The following TNR variants were observed in gnomAD, a reference collection of about 807,000 sequenced individuals.
The protein encoded by TNR is tenascin-R.
Under a neutral mutation model 150.4 loss-of-function variants are expected in TNR, and 45 were observed. The ratio of observed to expected loss-of-function variants is 0.30; its 90% CI spans 0.24 to 0.38. TNR has a LOEUF of 0.38. TNR is among the 10% of genes least tolerant of loss of function. TNR has a pLI of 1.00. For missense variants in TNR, 1,544 were observed against 1,759.1 expected (o/e 0.88, Z 2.19); for synonymous variants, 687 against 678.4 (o/e 1.01, Z -0.20).
Position 175,315,933 on chromosome 1 carries a change from C to G in TNR, c.*7424G>C, listed in dbSNP as rs1648828299. On this transcript the variant is annotated 3_prime_UTR_variant, in exon 23 of 23. Transcript: ENST00000367674. The stretch of plus-strand genomic sequence containing the variant: ...GAGTCTGTGGGACCATGGTGTGAGT[C>G]TGGGCCTCCGCAGTTGGTAAAGGAG... 6.6e-6 allele frequency: 1 copy of G among 151,970 alleles called. No homozygotes were observed. Among genetic ancestry groups the G allele is most frequent in the African/African-American group, 2.4e-5 (1 of 41,348 alleles). The allele number at this position is 151,970 out of a possible 1,614,324, so 9.4% of individuals were successfully genotyped here.
intron 2 of TNR, among the ~76,000 whole-genome samples, chr1:175,459,336 C>A (rs928455308): frequency 9.2e-5 from 14 of 152,282 alleles, no homozygotes; most frequent in African/African-American, 3.4e-4. Flanking sequence ...TTATTACTAC[C>A]ACCATTACCA....
At chr1:175,330,998 A>AT (rs1649722690) in intron 20 of TNR, among the ~76,000 whole-genome samples, 1 of 72,826 alleles carries the variant, frequency 1.4e-5, no homozygotes, top group African/African-American at 5.1e-5. Context: ...CCTCTTGGTG[A>AT]TTCTTTCTTT....
chr1:175,509,556 G>A (rs568634691), intron 2 of TNR, among the ~76,000 whole-genome samples: 11 of 152,200 alleles, frequency 7.2e-5, no homozygotes, highest in Non-Finnish European at 1.3e-4. Context: ...ACTTTCCAGA[G>A]TTTTTTTCAT....
At chr1:175,645,855 C>T (rs559544687) in intron 1 of TNR, among the ~76,000 whole-genome samples, 1 of 152,348 alleles carries the variant, frequency 6.6e-6, no homozygotes, top group Non-Finnish European at 1.5e-5. Flanking sequence ...ATACTGAATA[C>T]TGTCAAATAC....
intron 2 of TNR, among the ~76,000 whole-genome samples, chr1:175,515,181 G>T (rs1659350365): frequency 6.6e-6 from 1 of 152,156 alleles, no homozygotes; most frequent in East Asian, 1.9e-4. Context: ...ATTATTTCTT[G>T]TATTCTGTCA....
chr1:175,696,218 T>TTTTG (rs1553254712), intron 1 of TNR, among the ~76,000 whole-genome samples: 29 of 49,232 alleles, frequency 5.9e-4, no homozygotes, highest in Middle Eastern at 7.9e-3. Flanking sequence ...CTTCCTGTAG[T>TTTTG]TTTTTTTTTT....
Position 175,584,850 on chromosome 1 carries a change from T to A in TNR, c.-164-56481A>T, listed in dbSNP as rs180911632. Among the ~76,000 whole-genome samples the A allele has an allele frequency of 3.3e-5, 5 of 152,360 alleles. No homozygotes were observed. The East Asian group carries it at 7.7e-4, about 24-fold the overall frequency. On this transcript the variant is annotated intron_variant, in intron 1 of 22. Transcript: ENST00000367674. ...GCTTAGGAGCTTGTACTAATTAGTATAGCTGTATATATATTAAGTGTAAAT... is the reference window on the plus strand; with the variant it reads ...GCTTAGGAGCTTGTACTAATTAGTAAAGCTGTATATATATTAAGTGTAAAT...
intron 9 of TNR, among the ~76,000 whole-genome samples, chr1:175,373,069 A>G (rs1557892268): frequency 6.6e-6 from 1 of 152,192 alleles, no homozygotes; most frequent in Non-Finnish European, 1.5e-5. Flanking sequence ...GTGAGAAAAC[A>G]TGCACAGAAG....
At chr1:175,550,777 GAA>G (rs111426262) in intron 1 of TNR, among the ~76,000 whole-genome samples, 2 of 145,226 alleles carry the variant, frequency 1.4e-5, no homozygotes, top group African/African-American at 5.0e-5. Context: ...CAGGGAACAG[GAA>G]AAAAAAAACC....
At position 175,365,124 on chromosome 1, in the gene TNR, T is replaced by G. The variant is rs1407243617; in HGVS notation, c.2473A>C (p.Thr825Pro). 1.9e-6 allele frequency: 3 copies of G among 1,614,100 alleles called. No homozygotes were observed. The highest frequency in any genetic ancestry group is 2.5e-6 in the Non-Finnish European group (3 of 1,180,004). ...CCCATCAGGACAGCATGCCTCTTGG[T>G]GGCATCCAGGGAGACCTCCATCATC... ...EEMMEVSLDA[T>P]KRHAVLMGLQ... Residue 825 changes from threonine to proline, a missense_variant, in exon 12 of 23, where the codon ACC (threonine) becomes CCC (proline). Thr to Pro is a conservative substitution (Grantham distance 38). Coordinates refer to ENST00000367674, the MANE Select transcript of TNR (RefSeq NM_003285.3).
chr1:175,575,187 A>T (rs572668394), intron 1 of TNR, among the ~76,000 whole-genome samples: 2 of 152,332 alleles, frequency 1.3e-5, no homozygotes, highest in East Asian at 3.9e-4. Context: ...AGCAATATTC[A>T]AGTTGGTGGC....
At chr1:175,640,376 G>A (rs565517645) in intron 1 of TNR, among the ~76,000 whole-genome samples, 3 of 152,280 alleles carry the variant, frequency 2.0e-5, no homozygotes, top group Non-Finnish European at 4.4e-5. Context: ...ACGTCTGTCT[G>A]GGAGGGAGAA....
chr1:175,399,155 G>A (rs902908735), intron 4 of TNR, among the ~76,000 whole-genome samples: 1 of 152,150 alleles, frequency 6.6e-6, no homozygotes, highest in African/African-American at 2.4e-5. Flanking sequence ...TCATCCTACA[G>A]GTAAGAAAAT....
chr1:175,614,774 G>A (rs1663714952), intron 1 of TNR, among the ~76,000 whole-genome samples: 1 of 152,330 alleles, frequency 6.6e-6, no homozygotes, highest in South Asian at 2.1e-4. Flanking sequence ...GTAACCAGGG[G>A]CTCCTTGGGG....
At chr1:175,453,793 G>A (rs923307591) in intron 2 of TNR, among the ~76,000 whole-genome samples, 5 of 152,078 alleles carry the variant, frequency 3.3e-5, no homozygotes, top group African/African-American at 4.8e-5. Flanking sequence ...GTCTGGTCTC[G>A]AATTCCTGGC....
intron 1 of TNR, among the ~76,000 whole-genome samples, chr1:175,552,636 G>A (rs1194675664): frequency 1.3e-5 from 2 of 152,078 alleles, no homozygotes; most frequent in Admixed American, 6.5e-5. Flanking sequence ...GGGGAAATAC[G>A]GCACGATTTT....
intron 20 of TNR, 52 bp downstream of exon 20, chr1:175,335,659 T>G: frequency 6.5e-7 from 1 of 1,546,328 alleles, no homozygotes; most frequent in South Asian, 1.2e-5. Flanking sequence ...AGGAGAGAGA[T>G]GGACAAAAAG....
intron 1 of TNR, among the ~76,000 whole-genome samples, chr1:175,635,432 C>A (rs1664463920): frequency 6.6e-6 from 1 of 152,200 alleles, no homozygotes; most frequent in Non-Finnish European, 1.5e-5. Context: ...CAGATAATTC[C>A]AATATTCGGC....
At chr1:175,343,207 CAA>C (rs147203179) in intron 18 of TNR, among the ~76,000 whole-genome samples, 419 of 152,316 alleles carry the variant, frequency 2.8e-3, no homozygotes, top group African/African-American at 9.6e-3. Flanking sequence ...CCATGGCCTA[CAA>C]AGCCCTGTAC....
Sources: allele counts gnomAD v4.1 joint callset (sites outside exome capture counted in the v4.1 genomes callset), GRCh38; gene constraint gnomAD v4.1.1; transcripts MANE v1.5; gene names NCBI Gene and HGNC (gene_info 2026-07-23, HGNC 2026-07-21).